Variants in GLIS3 observed in about 807,000 individuals in gnomAD.
GLIS3 encodes zinc finger protein GLIS3.
Under a neutral mutation model 78.6 loss-of-function variants are expected in GLIS3, and 53 were observed. The ratio of observed to expected loss-of-function variants is 0.67; its 90% CI spans 0.54 to 0.85. The LOEUF (loss-of-function observed/expected upper bound fraction) is 0.85, where lower values mean the gene tolerates loss of function less well. Among genes scored for constraint, GLIS3 ranks in the 40% least tolerant of loss-of-function variants. The probability of loss-of-function intolerance (pLI) is 0.00; values close to 1 mark genes in which losing one functional copy is unlikely to be tolerated. For missense variants in GLIS3, 1,703 were observed against 1,231.1 expected (o/e 1.38, Z -5.74); for synonymous variants, 684 against 509.9 (o/e 1.34, Z -4.60).
chr9:4,055,751 G>A (rs1360069185), intron 4 of GLIS3, among the ~76,000 whole-genome samples: 1 of 152,214 alleles, frequency 6.6e-6, no homozygotes, highest in Admixed American at 6.5e-5. Context: ...ATCAACCACA[G>A]CAAGCTGGCT....
Position 4,117,682 on chromosome 9 carries a change from C to G in GLIS3, c.1710+86G>C, listed in dbSNP as rs994906009. 8.6e-6 allele frequency: 13 copies of G among 1,517,856 alleles called. No individual in the cohort carries two copies. In the Admixed American group the frequency reaches 2.2e-4, roughly 25 times the overall value. 94.0% of individuals were successfully genotyped at this position (1,517,856 alleles called of 1,614,324 possible). A position where few individuals can be genotyped will look rare whatever the true frequency, so the allele number is the denominator to read the frequency against. ...ACCTAGACCCCCACGCATGCAAACT[C>G]CATGGGCCGAGTTAGGAAAAAACAC... On this transcript the variant is annotated intron_variant, in intron 4 of 10. Transcript: ENST00000381971.
chr9:4,453,345 C>CAAAAAAAA, the GLIS3 span, among the ~76,000 whole-genome samples: 119 of 91,516 alleles, frequency 1.3e-3, no homozygotes, highest in South Asian at 2.3e-3. Context: ...TTCTGCACAG[C>CAAAAAAAA]AAAAAAAAAA....
At chr9:4,367,732 A>G in the GLIS3 span, among the ~76,000 whole-genome samples, 10 of 152,056 alleles carry the variant, frequency 6.6e-5, no homozygotes, top group Middle Eastern at 3.4e-3. Flanking sequence ...AGTACTATAC[A>G]TATTTATTGA....
rs975526588 is a variant in GLIS3 at position 4,292,910 on chromosome 9, G to A, written c.-98-6387C>T. On this transcript the variant is annotated intron_variant, in intron 1 of 10. Transcript: ENST00000381971. ...AAAGAGGAATTTGAAATGGAAAAAT[G>A]AACACATTCCTGATGATGTCACTGC... Among the ~76,000 whole-genome samples, 5 of 152,292 alleles carry A rather than the reference G, an allele frequency of 3.3e-5. 1 individual carries two copies. The highest frequency in any genetic ancestry group is 1.9e-4 in the East Asian group (1 of 5,192).
intron 4 of GLIS3, among the ~76,000 whole-genome samples, chr9:4,111,691 C>T (rs1252964466): frequency 6.6e-6 from 1 of 152,222 alleles, no homozygotes; most frequent in Non-Finnish European, 1.5e-5. Flanking sequence ...TACACAGATA[C>T]ATATGTTTGT....
the GLIS3 span, among the ~76,000 whole-genome samples, chr9:4,465,542 C>A: frequency 6.6e-6 from 1 of 151,854 alleles, no homozygotes; most frequent in East Asian, 1.9e-4. Flanking sequence ...GAGTGAGACT[C>A]CGACTCAAAA....
chr9:4,276,956 C>G (rs1253464410), intron 2 of GLIS3, among the ~76,000 whole-genome samples: 1 of 152,126 alleles, frequency 6.6e-6, no homozygotes. Flanking sequence ...GGAATATTAA[C>G]TTCATTTGCT....
chr9:4,124,625 T>G (rs1441451227), intron 3 of GLIS3, among the ~76,000 whole-genome samples: 1 of 152,122 alleles, frequency 6.6e-6, no homozygotes, highest in East Asian at 1.9e-4. Context: ...AGTTTCTATC[T>G]CATGAAAAAA....
the GLIS3 span, among the ~76,000 whole-genome samples, chr9:4,385,678 A>G: frequency 0.018 from 2,547 of 142,404 alleles, 388 homozygotes; most frequent in African/African-American, 0.069. Context: ...AAAAAAAAAA[A>G]AAAAGAAAAA....
chr9:4,198,285 A>C (rs1320258098), intron 2 of GLIS3, among the ~76,000 whole-genome samples: 1 of 152,252 alleles, frequency 6.6e-6, no homozygotes, highest in Non-Finnish European at 1.5e-5. Flanking sequence ...AATGAAAGAA[A>C]AGATAAACAT....
intron 4 of GLIS3, among the ~76,000 whole-genome samples, chr9:4,105,544 T>C (rs141760140): frequency 2.0e-5 from 3 of 152,346 alleles, no homozygotes; most frequent in East Asian, 1.9e-4. Context: ...AAATAAATCA[T>C]TGACACTGCA....
At chr9:4,453,924 C>G in the GLIS3 span, among the ~76,000 whole-genome samples, 1 of 151,894 alleles carries the variant, frequency 6.6e-6, no homozygotes, top group Non-Finnish European at 1.5e-5. Context: ...TGCAGCAAAC[C>G]AACATGGCAC....
rs530104805 is a variant in GLIS3 at position 4,001,679 on chromosome 9, G to A, written c.1711-64490C>T. On this transcript the variant is annotated intron_variant, in intron 4 of 10. Transcript: ENST00000381971. ...TTTCTAAGTAGCTTCAGGCATCTAA[G>A]TAAGCAGTCAGTCATCATATCTGCC... is the stretch of plus-strand genomic sequence containing the variant. Among the ~76,000 whole-genome samples, 70 of 152,272 alleles carry A rather than the reference G, an allele frequency of 4.6e-4. 1 individual carries two copies. The highest frequency in any genetic ancestry group is 1.6e-3 in the African/African-American group (66 of 41,554).
intron 2 of GLIS3, among the ~76,000 whole-genome samples, chr9:4,202,046 G>C (rs187071891): frequency 6.6e-6 from 1 of 152,146 alleles, no homozygotes; most frequent in African/African-American, 2.4e-5. Flanking sequence ...GTTGAGGCAG[G>C]AAAACTGCTT....
At chr9:4,183,148 A>G (rs377390601) in intron 2 of GLIS3, among the ~76,000 whole-genome samples, 19 of 152,330 alleles carry the variant, frequency 1.2e-4, no homozygotes, top group African/African-American at 4.3e-4. Flanking sequence ...TGCCACAGTG[A>G]AAGAACAGTA....
At chr9:3,878,648 T>C (rs1287817286) in intron 8 of GLIS3, 1 of 152,152 alleles carries the variant, frequency 6.6e-6, no homozygotes, top group Non-Finnish European at 1.5e-5. Context: ...GTAGGTCAAC[T>C]CAAGCCAGAT....
chr9:3,975,990 A>C (rs576480003), intron 4 of GLIS3, among the ~76,000 whole-genome samples: 1 of 152,308 alleles, frequency 6.6e-6, no homozygotes, highest in African/African-American at 2.4e-5. Context: ...ATCAGCAGCC[A>C]ATCAGGTCCT....
intron 2 of GLIS3, among the ~76,000 whole-genome samples, chr9:4,196,294 G>T (rs1481725704): frequency 1.3e-5 from 2 of 152,082 alleles, no homozygotes. Flanking sequence ...CTGTAAAATG[G>T]ACCAATCAGC....
intron 2 of GLIS3, among the ~76,000 whole-genome samples, chr9:4,179,508 T>C (rs923966254): frequency 6.6e-6 from 1 of 152,168 alleles, no homozygotes; most frequent in African/African-American, 2.4e-5. Flanking sequence ...TCCGTTTAGA[T>C]GATACATTAT....
Sources: gnomAD v4.1 joint callset for allele counts (sites outside exome capture counted in the v4.1 genomes callset) on GRCh38, gnomAD v4.1.1 for gene constraint, MANE v1.5 for transcripts, NCBI Gene and HGNC (gene_info 2026-07-23, HGNC 2026-07-21) for gene names.